The following ZNF366 variants were observed in gnomAD, a reference collection of about 807,000 sequenced individuals.
ZNF366 encodes dendritic cell-specific transcript protein.
A neutral mutation model predicts 47.2 loss-of-function variants in ZNF366; 20 were observed. That is an observed-to-expected ratio of 0.42 (90% CI 0.30 to 0.62). ZNF366 has a LOEUF of 0.62. Ranked by LOEUF, ZNF366 falls within the 20% of genes least tolerant of loss-of-function variation. ZNF366 has a pLI of 0.16. For missense variants in ZNF366, 987 were observed against 976.3 expected, an observed-to-expected ratio of 1.01 and a Z score of -0.15; for synonymous variants, 421 against 395.1, an observed-to-expected ratio of 1.07 and a Z score of -0.78.
At chr5:72,480,341 CA>C (rs1224096871) in intron 1 of ZNF366, among the ~76,000 whole-genome samples, 1 of 152,146 alleles carries the variant, frequency 6.6e-6, no homozygotes, top group Non-Finnish European at 1.5e-5. Context: ...GAAGGTTTGG[CA>C]AAAGAAAGAG....
At chr5:72,490,969 T>C (rs1032543990) in intron 1 of ZNF366, among the ~76,000 whole-genome samples, 1 of 152,220 alleles carries the variant, frequency 6.6e-6, no homozygotes, top group African/African-American at 2.4e-5. Context: ...GCTGTCTACA[T>C]CTTTCCCTGA....
Position 72,489,170 on chromosome 5 carries a change from G to A in ZNF366, c.-15+18081C>T, listed in dbSNP as rs1012151159. Among the ~76,000 whole-genome samples, 5 of 151,612 alleles carry A rather than the reference G, an allele frequency of 3.3e-5. No homozygotes were observed. In the South Asian group the frequency reaches 1.0e-3, roughly 32 times the overall value. ...GTGGGTGGATCACTTGAGCCCAGGAGCTCAAGACCAGCCTAAGCAACACAA... is the reference window on the plus strand; with the variant it reads ...GTGGGTGGATCACTTGAGCCCAGGAACTCAAGACCAGCCTAAGCAACACAA... On this transcript the variant is annotated intron_variant, in intron 1 of 4. Coordinates refer to ENST00000318442, the MANE Select transcript of ZNF366 (RefSeq NM_152625.3).
At chr5:72,450,156 T>C (rs1448417716) in intron 3 of ZNF366, among the ~76,000 whole-genome samples, 1 of 152,214 alleles carries the variant, frequency 6.6e-6, no homozygotes, top group East Asian at 1.9e-4. Flanking sequence ...CAGTTTGTTG[T>C]ACACAAAGAT....
intron 1 of ZNF366, among the ~76,000 whole-genome samples, chr5:72,474,689 AG>A (rs1204814418): frequency 1.3e-5 from 2 of 151,792 alleles, no homozygotes; most frequent in African/African-American, 4.8e-5. Context: ...CACACACACA[AG>A]CCATGTAAAG....
chr5:72,467,852 G>A (rs965172241), intron 1 of ZNF366, among the ~76,000 whole-genome samples: 2 of 152,120 alleles, frequency 1.3e-5, no homozygotes, highest in African/African-American at 4.8e-5. Flanking sequence ...TCTCAACAGA[G>A]GTGGAAGCAG....
At chr5:72,464,565 G>C (rs1480869483) in intron 1 of ZNF366, among the ~76,000 whole-genome samples, 1 of 152,052 alleles carries the variant, frequency 6.6e-6, no homozygotes, top group Non-Finnish European at 1.5e-5. Context: ...AGATGATGTG[G>C]CTATTTCTTT....
chr5:72,449,419 A>AGATG (rs1222307164), intron 3 of ZNF366, among the ~76,000 whole-genome samples: 2 of 152,250 alleles, frequency 1.3e-5, no homozygotes, highest in African/African-American at 4.8e-5. Context: ...TTTTTAGTAG[A>AGATG]GATGGGGATC....
intron 1 of ZNF366, among the ~76,000 whole-genome samples, chr5:72,506,671 C>A (rs1477970943): frequency 6.6e-6 from 1 of 152,220 alleles, no homozygotes; most frequent in Non-Finnish European, 1.5e-5. Context: ...GCATGGGGAA[C>A]CTGAACACAT....
chr5:72,475,223 A>G (rs959182006), intron 1 of ZNF366, among the ~76,000 whole-genome samples: 11 of 152,158 alleles, frequency 7.2e-5, no homozygotes, highest in Non-Finnish European at 1.5e-4. Flanking sequence ...GGGCTCAGGG[A>G]CCCAAAAGTG....
intron 1 of ZNF366, among the ~76,000 whole-genome samples, chr5:72,492,135 A>G (rs942878087): frequency 6.6e-6 from 1 of 152,252 alleles, no homozygotes; most frequent in African/African-American, 2.4e-5. Flanking sequence ...TTATGTTTAA[A>G]TACTTCAAAG....
chr5:72,456,574 C>G lies in ZNF366; in HGVS notation c.1354G>C (p.Gly452Arg). ...AGGGTGAACTCCCGCCCACAAATCC[C>G]ACACTTATGCTCCTTCACACCCTGC... is the stretch of plus-strand genomic sequence containing the variant. Reference protein sequence around the residue: ...THKGVKEHKCGICGREFTLLA... With the variant: ...THKGVKEHKCRICGREFTLLA... The change falls in exon 3 of 5, where the codon GGG becomes CGG. Residue 452 changes from glycine (G) to arginine (R), a missense_variant. Transcript: ENST00000318442. 6.2e-7 allele frequency: 1 copy of G among 1,611,266 alleles called. No homozygotes were observed.
At chr5:72,462,531 C>CTT (rs1554031602) in intron 1 of ZNF366, among the ~76,000 whole-genome samples, 2 of 79,716 alleles carry the variant, frequency 2.5e-5, no homozygotes, top group East Asian at 1.4e-3. Flanking sequence ...TTCTTTCTTT[C>CTT]TTTCTTTCTT....
chr5:72,507,387 T>G lies in ZNF366; in HGVS notation c.-151A>C, dbSNP rs1291390376. On this transcript the variant is annotated 5_prime_UTR_variant, in exon 1 of 5. Transcript: ENST00000318442. Reference sequence around the variant, plus strand: ...GAACTTAAAGAACTCGCAGGGACAGTGTTTCGAATGACTTAAGAAAGAGAA... The same window carrying G: ...GAACTTAAAGAACTCGCAGGGACAGGGTTTCGAATGACTTAAGAAAGAGAA... The G allele has an allele frequency of 5.1e-6, 5 of 985,390 alleles. No homozygotes were observed. In the East Asian group the frequency reaches 5.7e-4, roughly 112 times the overall value. The allele number at this position is 985,390 out of a possible 1,614,324, so 61.0% of individuals were successfully genotyped here.
At chr5:72,462,547 C>CTTTCTTTCTTTCTTTCTTTCTTTCTTTTT (rs11275151) in intron 1 of ZNF366, among the ~76,000 whole-genome samples, 1 of 78,918 alleles carries the variant, frequency 1.3e-5, no homozygotes, top group African/African-American at 6.0e-5. Context: ...TTCTTTCTTT[C>CTTTCTTTCTTTCTTTCTTTCTTTCTTTTT]TTTTTTTTTT....
intron 3 of ZNF366, among the ~76,000 whole-genome samples, chr5:72,448,690 T>C (rs1743005534): frequency 6.6e-6 from 1 of 152,132 alleles, no homozygotes; most frequent in African/African-American, 2.4e-5. Context: ...CCTTTCTCAC[T>C]GAGATATATT....
intron 1 of ZNF366, among the ~76,000 whole-genome samples, chr5:72,493,367 ATAAGT>A (rs1265909659): frequency 6.6e-6 from 1 of 152,236 alleles, no homozygotes; most frequent in Non-Finnish European, 1.5e-5. Flanking sequence ...TAGGACACAA[ATAAGT>A]TAAGCAAATT....
intron 3 of ZNF366, among the ~76,000 whole-genome samples, chr5:72,451,301 C>T (rs897435765): frequency 1.3e-5 from 2 of 152,210 alleles, no homozygotes; most frequent in African/African-American, 2.4e-5. Context: ...TCTCCATCCA[C>T]CCGCTTTTTA....
chr5:72,480,455 C>T (rs1743769972), intron 1 of ZNF366, among the ~76,000 whole-genome samples: 2 of 152,010 alleles, frequency 1.3e-5, no homozygotes, highest in African/African-American at 4.8e-5. Flanking sequence ...ATCAATATCC[C>T]TCCCTTCCTG....
intron 1 of ZNF366, among the ~76,000 whole-genome samples, chr5:72,486,831 A>C (rs1263227602): frequency 6.6e-6 from 1 of 151,728 alleles, no homozygotes; most frequent in Non-Finnish European, 1.5e-5. Flanking sequence ...GCTGGAGTGC[A>C]ATGGCCTCTG....
Sources: gnomAD v4.1 joint callset for allele counts (sites outside exome capture counted in the v4.1 genomes callset) on GRCh38, gnomAD v4.1.1 for gene constraint, MANE v1.5 for transcripts, NCBI Gene and HGNC (gene_info 2026-07-23, HGNC 2026-07-21) for gene names.